MCTP1: variants seen among roughly 807,000 people sequenced by gnomAD.
MCTP1 encodes the protein multiple C2 and transmembrane domain containing 1.
In MCTP1, 69 loss-of-function variants were observed where a neutral mutation model predicts 120.6. The observed-to-expected ratio is 0.57, with a 90% confidence interval of 0.47 to 0.70. The LOEUF is 0.70. Ranked by LOEUF, MCTP1 falls within the 30% of genes least tolerant of loss-of-function variation. The pLI is 0.00. For missense variants in MCTP1, 1,203 were observed against 1,248.8 expected, an observed-to-expected ratio of 0.96 and a Z score of 0.55; for synonymous variants, 529 against 493.1, an observed-to-expected ratio of 1.07 and a Z score of -0.96.
chr5:94,706,319 G>A lies in MCTP1; in HGVS notation c.*1177C>T, dbSNP rs1401216044. The A allele has an allele frequency of 6.6e-6, 1 of 151,622 alleles. No homozygotes were observed. The highest frequency in any genetic ancestry group is 2.4e-5 in the African/African-American group (1 of 41,346). The allele number at this position is 151,622 out of a possible 1,614,324, so 9.4% of individuals were successfully genotyped here. On this transcript the variant is annotated 3_prime_UTR_variant, in exon 23 of 23. Coordinates refer to ENST00000515393, the MANE Select transcript of MCTP1 (RefSeq NM_024717.7). ...GTGAGATATAAAAACTACTTTAAGA[G>A]TCTTGGGAATGCAATTTTTAAGTAT...
intron 10 of MCTP1, among the ~76,000 whole-genome samples, chr5:94,902,322 G>A (rs560171940): frequency 9.2e-5 from 14 of 152,104 alleles, no homozygotes; most frequent in Admixed American, 3.9e-4. Flanking sequence ...AATCAGATCC[G>A]GCAAGAGATC....
intron 1 of MCTP1, among the ~76,000 whole-genome samples, chr5:95,244,722 G>A (rs980568020): frequency 6.6e-6 from 1 of 152,214 alleles, no homozygotes. Context: ...AGCTCAGCAA[G>A]GCCTACTGGC....
chr5:95,282,827 C>G (rs1470834747), intron 1 of MCTP1, among the ~76,000 whole-genome samples: 1 of 152,214 alleles, frequency 6.6e-6, no homozygotes. Flanking sequence ...TATCTATTCC[C>G]GTATCTTACC....
At chr5:94,858,098 A>C (rs543010019) in intron 17 of MCTP1, among the ~76,000 whole-genome samples, 3 of 151,796 alleles carry the variant, frequency 2.0e-5, no homozygotes, top group Non-Finnish European at 4.4e-5. Context: ...GCTACCATTT[A>C]ATCAATATAG....
chr5:95,168,512 T>C (rs1044176873), intron 1 of MCTP1, among the ~76,000 whole-genome samples: 3 of 152,262 alleles, frequency 2.0e-5, no homozygotes, highest in Non-Finnish European at 2.9e-5. Context: ...ACGATATTGA[T>C]TCTACCTATC....
rs1028345760 is a variant in MCTP1 at position 95,009,130 on chromosome 5, C to A, written c.838+8237G>T. ...AGAGAAGCATTGGGAGGGAATGCTG[C>A]CTTACCACATCTTGATTGTTGGAGT... On this transcript the variant is annotated intron_variant, in intron 2 of 22. Transcript: ENST00000515393. Among the ~76,000 whole-genome samples, 21 of 149,096 alleles carry A rather than the reference C, an allele frequency of 1.4e-4. 2 individuals are homozygous for A. Among genetic ancestry groups the A allele is most frequent in the African/African-American group, 5.3e-4 (21 of 39,604 alleles).
At chr5:94,826,495 T>C (rs1787093757) in intron 17 of MCTP1, 1 of 701,220 alleles carries the variant, frequency 1.4e-6, no homozygotes, top group African/African-American at 1.8e-5. Context: ...CATTCAAATT[T>C]CAGTTCTGTA....
At chr5:95,122,152 T>A (rs560937304) in intron 1 of MCTP1, among the ~76,000 whole-genome samples, 9 of 152,122 alleles carry the variant, frequency 5.9e-5, no homozygotes, top group African/African-American at 2.2e-4. Context: ...CAAATTGGAT[T>A]ACATCAAACT....
chr5:94,745,710 T>C (rs892986692), intron 19 of MCTP1, among the ~76,000 whole-genome samples: 1 of 152,172 alleles, frequency 6.6e-6, no homozygotes, highest in African/African-American at 2.4e-5. Context: ...GTTGAAGAAA[T>C]AAGTACTCAT....
At chr5:95,055,285 A>G (rs1747088226) in intron 1 of MCTP1, among the ~76,000 whole-genome samples, 1 of 152,180 alleles carries the variant, frequency 6.6e-6, no homozygotes, top group South Asian at 2.1e-4. Flanking sequence ...GCTAATCAAG[A>G]TTATTACCAA....
intron 1 of MCTP1, among the ~76,000 whole-genome samples, chr5:95,030,183 A>G (rs1456081982): frequency 2.0e-5 from 3 of 152,208 alleles, no homozygotes; most frequent in African/African-American, 4.8e-5. Flanking sequence ...GAAGTGATAG[A>G]GAAGCAGATC....
chr5:94,804,901 C>T (rs1210956914), intron 17 of MCTP1, among the ~76,000 whole-genome samples: 1 of 151,958 alleles, frequency 6.6e-6, no homozygotes, highest in Non-Finnish European at 1.5e-5. Flanking sequence ...GTGGGAAATC[C>T]TAAGAGTTAA....
rs148491476 is a variant in MCTP1, at chr5:94,872,457, T to A, written c.2036+682A>T. ...AAATTGATGAAGAATTTCGCAGTTT[T>A]TCATATACAAAAAAATAGAATTATG... On this transcript the variant is annotated intron_variant, in intron 13 of 22. Transcript: ENST00000515393. Among the ~76,000 whole-genome samples the A allele has an allele frequency of 1.2e-3, 180 of 152,088 alleles. 1 individual carries two copies. The highest frequency in any genetic ancestry group is 4.1e-3 in the African/African-American group (171 of 41,552).
intron 2 of MCTP1, among the ~76,000 whole-genome samples, chr5:94,982,704 C>T (rs1252922746): frequency 6.6e-6 from 1 of 151,726 alleles, no homozygotes; most frequent in Non-Finnish European, 1.5e-5. Context: ...GCCTGGCCAA[C>T]AGGGCAAAAC....
intron 3 of MCTP1, among the ~76,000 whole-genome samples, chr5:94,952,973 A>C (rs1168347664): frequency 1.3e-5 from 2 of 152,218 alleles, no homozygotes; most frequent in African/African-American, 4.8e-5. Flanking sequence ...GGCAATACCA[A>C]GCACAAGGGA....
intron 2 of MCTP1, among the ~76,000 whole-genome samples, chr5:95,014,796 G>A (rs1458208590): frequency 6.6e-6 from 1 of 152,092 alleles, no homozygotes; most frequent in Non-Finnish European, 1.5e-5. Context: ...GCTCTACTGT[G>A]GGTAAAGTAC....
At chr5:94,811,797 C>T (rs1284932873) in intron 17 of MCTP1, among the ~76,000 whole-genome samples, 2 of 152,176 alleles carry the variant, frequency 1.3e-5, no homozygotes, top group Non-Finnish European at 2.9e-5. Flanking sequence ...AAAAATCTCT[C>T]CTATCATTTT....
chr5:95,026,383 A>G (rs2217062), intron 1 of MCTP1, among the ~76,000 whole-genome samples: 141,817 of 152,052 alleles, frequency 0.93, 66,926 homozygotes, highest in East Asian at 1. Context: ...CAAATTCTAG[A>G]TCTTATTCAT....
intron 19 of MCTP1, among the ~76,000 whole-genome samples, chr5:94,735,013 C>T (rs890820708): frequency 3.3e-5 from 5 of 152,162 alleles, no homozygotes; most frequent in Non-Finnish European, 5.9e-5. Flanking sequence ...AACACCTTGT[C>T]TATGTGATAA....
Sources: gnomAD v4.1 joint callset for allele counts (sites outside exome capture counted in the v4.1 genomes callset) on GRCh38, gnomAD v4.1.1 for gene constraint, MANE v1.5 for transcripts, NCBI Gene and HGNC (gene_info 2026-07-23, HGNC 2026-07-21) for gene names.